Variants in KLC3 observed in about 807,000 individuals in gnomAD.
KLC3 encodes kinesin light chain 2.
A neutral mutation model predicts 62.9 loss-of-function variants in KLC3; 72 were observed. That is an observed-to-expected ratio of 1.15 (90% CI 0.95 to 1.39). The LOEUF is 1.39. KLC3 is among the 40% of genes most tolerant of loss of function. The probability of loss-of-function intolerance (pLI) is 0.00; values close to 1 mark genes in which losing one functional copy is unlikely to be tolerated. For synonymous variants in KLC3, 377 were observed against 300.5 expected (o/e 1.25, Z -2.63); for missense variants, 848 against 691.6 (o/e 1.23, Z -2.54).
chr19:45,341,578 T>TGTGCGCGCGCGCGCGCGCGC, intron 1 of KLC3, among the ~76,000 whole-genome samples: 3 of 139,800 alleles, frequency 2.1e-5, no homozygotes, highest in Non-Finnish European at 4.7e-5. Context: ...TGTGTGTGTG[T>TGTGCGCGCGCGCGCGCGCGC]GCGCGCGCGC....
intron 1 of KLC3, among the ~76,000 whole-genome samples, chr19:45,341,303 A>G (rs1352365865): frequency 1.3e-5 from 2 of 151,234 alleles, no homozygotes; most frequent in Non-Finnish European, 2.9e-5. Flanking sequence ...GACTGTGTGT[A>G]TGATGTGACA....
chr19:45,344,121 C>CT (rs569242857), intron 1 of KLC3, among the ~76,000 whole-genome samples: 121 of 151,406 alleles, frequency 8.0e-4, no homozygotes, highest in African/African-American at 2.8e-3. Flanking sequence ...TGTGAGCCAC[C>CT]GCACCCGGCC....
intron 3 of KLC3, chr19:45,347,046 T>C: frequency 2.1e-6 from 1 of 470,608 alleles, no homozygotes; most frequent in East Asian, 3.7e-5. Flanking sequence ...ACCACCTCCC[T>C]CAAACCTTGA....
At chr19:45,348,795 A>T (rs1406431830) in intron 6 of KLC3, 25 bp from the exon 7 acceptor site, 3 of 1,562,270 alleles carry the variant, frequency 1.9e-6, no homozygotes, top group South Asian at 1.2e-5. Flanking sequence ...CCCATCCCTG[A>T]CCTGTGCCTC....
At chr19:45,345,908 C>G in intron 2 of KLC3, 109 bp downstream of exon 2, 2 of 1,226,576 alleles carry the variant, frequency 1.6e-6, no homozygotes. Context: ...TTCACTATTG[C>G]AGAGGGGCAC....
rs956099025 is a variant in KLC3, at chr19:45,350,120, G to A, written c.1144-221G>A. 1.1e-5 allele frequency: 6 copies of A among 570,484 alleles called. No individual in the cohort carries two copies. In the African/African-American group the frequency reaches 1.1e-4, roughly 11 times the overall value. The allele number at this position is 570,484 out of a possible 1,614,324, so 35.3% of individuals were successfully genotyped here. A position where few individuals can be genotyped will look rare whatever the true frequency, so the allele number is the denominator to read the frequency against. On this transcript the variant is annotated intron_variant, in intron 8 of 12. Transcript: ENST00000391946. Reference sequence around the variant, plus strand: ...TTAGGCAGGGGAAGGATACGGCCAGGTCAGCACATTAGAAAGTGGGGCCAG... The same window carrying A: ...TTAGGCAGGGGAAGGATACGGCCAGATCAGCACATTAGAAAGTGGGGCCAG...
At chr19:45,341,443 ATGTGTGTGGCTG>A (rs556687007) in intron 1 of KLC3, among the ~76,000 whole-genome samples, 159 of 151,536 alleles carry the variant, frequency 1.0e-3, no homozygotes, top group African/African-American at 3.1e-3. Context: ...CCTGATGTGC[ATGTGTGTGGCTG>A]TGTGTGTGGC....
intron 8 of KLC3, chr19:45,350,123 A>C: frequency 1.7e-6 from 1 of 571,908 alleles, no homozygotes; most frequent in Admixed American, 3.1e-5. Context: ...CGGCCAGGTC[A>C]GCACATTAGA....
intron 3 of KLC3, 164 bp from the exon 4 acceptor site, chr19:45,347,283 T>C (rs1242761446): frequency 1.6e-5 from 9 of 571,642 alleles, no homozygotes; most frequent in Non-Finnish European, 2.8e-5. Context: ...TGGAGGTTGC[T>C]GTGAGCCAAG....
At chr19:45,341,770 TGTGTGC>T (rs1284561001) in intron 1 of KLC3, among the ~76,000 whole-genome samples, 90 of 53,944 alleles carry the variant, frequency 1.7e-3, no homozygotes, top group African/African-American at 4.8e-3. Context: ...TGTGAAGCCG[TGTGTGC>T]GTGTGTGTGT....
At chr19:45,350,848 A>G in intron 11 of KLC3, 101 bp downstream of exon 11, 2 of 1,045,824 alleles carry the variant, frequency 1.9e-6, no homozygotes, top group Admixed American at 2.6e-5. Flanking sequence ...CATGGCTCCC[A>G]TCTCCCCTGT....
intron 4 of KLC3, 65 bp downstream of exon 4, chr19:45,347,581 C>T: frequency 6.9e-7 from 1 of 1,440,170 alleles, no homozygotes; most frequent in African/African-American, 1.4e-5. Flanking sequence ...CTCTGAGCTG[C>T]AGGACCCCAA....
rs553749571 is a variant in KLC3 at position 45,350,746 on chromosome 19, G to C, written c.1378G>C (p.Gly460Arg). 6.2e-7 allele frequency: 1 copy of C among 1,609,360 alleles called. No homozygotes were observed. Among genetic ancestry groups the C allele is most frequent in the Non-Finnish European group, 8.5e-7 (1 of 1,178,174 alleles). The change falls in exon 11 of 13, where the codon GGA becomes CGA. Residue 460 changes from glycine to arginine, a missense_variant and splice_region_variant. Physicochemically the swap from Gly to Arg is moderately radical, Grantham distance 125 (BLOSUM62 -2). Transcript: ENST00000391946. ...AGGCGAGGCGGCGGCAGGAGCAGCC[G>C]GGTGAGTGTTGATCAGGTCGGCAAA... is the stretch of plus-strand genomic sequence containing the variant. ...LRGEAAAGAA[G>R]MKRAMSLNTL...
At chr19:45,350,920 T>C in intron 11 of KLC3, 34 bp from the exon 12 acceptor site, 1 of 1,608,466 alleles carries the variant, frequency 6.2e-7, no homozygotes, top group Non-Finnish European at 8.5e-7. Context: ...CACTCCTGGA[T>C]TCACTCATTT....
chr19:45,346,120 C>G (rs1275410182), intron 2 of KLC3, among the ~76,000 whole-genome samples: 1 of 152,154 alleles, frequency 6.6e-6, no homozygotes, highest in South Asian at 2.1e-4. Flanking sequence ...GGAGATCGTG[C>G]CATTCCACTC....
chr19:45,349,115 T>C (rs1049438066), intron 7 of KLC3, among the ~76,000 whole-genome samples, 194 bp downstream of exon 7: 1 of 152,100 alleles, frequency 6.6e-6, no homozygotes, highest in Non-Finnish European at 1.5e-5. Context: ...TGACCCTGAC[T>C]GACCTCTCGC....
Position 45,350,430 on chromosome 19 carries a change from C to G in KLC3, c.1233C>G (p.Leu411=), listed in dbSNP as rs201301675. The part of the protein sequence containing the change: ...ILHKEDLPAP[L]GAPNTGTAGD... ...ACAAGGAGGACCTACCCGCCCCTCT[C>G]GGTGAGCCCCTAGCCCCTGTCTGTC... The change falls in exon 9 of 13, where the codon CTC becomes CTG. Residue 411 remains leucine, a splice_region_variant and synonymous_variant. Coordinates refer to ENST00000391946, the MANE Select transcript of KLC3 (RefSeq NM_177417.3). 6 of 1,613,726 alleles carry G rather than the reference C, an allele frequency of 3.7e-6. No individual in the cohort carries two copies. Among genetic ancestry groups the G allele is most frequent in the African/African-American group, 2.7e-5 (2 of 74,864 alleles).
rs771903504 is a variant in KLC3, at chr19:45,347,460, C to G, written c.503C>G (p.Pro168Arg). The G allele has an allele frequency of 1.2e-6, 2 of 1,612,378 alleles. No homozygotes were observed. Among genetic ancestry groups the G allele is most frequent in the Non-Finnish European group, 1.7e-6 (2 of 1,179,208 alleles). Residue 168 changes from proline to arginine, a missense_variant, in exon 4 of 13, where the codon CCG (proline) becomes CGG (arginine). Coordinates refer to ENST00000391946, the MANE Select transcript of KLC3 (RefSeq NM_177417.3). Reference protein sequence around the residue: ...PPAESQQSESPPRRDSLASLF... With the variant: ...PPAESQQSESRPRRDSLASLF... ...CTGTCTCTGCAGCAGTCTGAGTCCC[C>G]GCCTCGCCGAGACAGCCTGGCCTCC...
intron 1 of KLC3, among the ~76,000 whole-genome samples, chr19:45,341,574 T>C (rs374217678): frequency 0.03 from 3,786 of 124,290 alleles, 57 homozygotes; most frequent in Non-Finnish European, 0.048. Flanking sequence ...TGTGTGTGTG[T>C]GTGTGCGCGC....
Sources: gnomAD v4.1 joint callset for allele counts (sites outside exome capture counted in the v4.1 genomes callset) on GRCh38, gnomAD v4.1.1 for gene constraint, MANE v1.5 for transcripts, NCBI Gene and HGNC (gene_info 2026-07-23, HGNC 2026-07-21) for gene names.